The following ZNRF3 variants were observed in gnomAD, a reference collection of about 807,000 sequenced individuals.
ZNRF3 encodes the protein zinc and ring finger 3, also known as E3 ubiquitin-protein ligase ZNRF3.
ZNRF3 carries 23 observed loss-of-function variants against 72.5 expected under a neutral mutation model. That is an observed-to-expected ratio of 0.32 (90% CI 0.23 to 0.45). ZNRF3 has a LOEUF of 0.45. Ranked by LOEUF, ZNRF3 falls within the 20% of genes least tolerant of loss-of-function variation. The pLI is 1.00. For synonymous variants in ZNRF3, 610 were observed against 545.3 expected (o/e 1.12, Z -1.65); for missense variants, 1,169 against 1,272.1 (o/e 0.92, Z 1.23).
intron 1 of ZNRF3, among the ~76,000 whole-genome samples, chr22:28,976,447 A>G (rs1296590854): frequency 6.6e-6 from 1 of 152,190 alleles, no homozygotes; most frequent in Non-Finnish European, 1.5e-5. Context: ...TCCTGGCTGC[A>G]GTGAGCCAAG....
At chr22:29,037,471 C>G (rs1419240450) in intron 2 of ZNRF3, among the ~76,000 whole-genome samples, 1 of 152,194 alleles carries the variant, frequency 6.6e-6, no homozygotes, top group South Asian at 2.1e-4. Flanking sequence ...GGAGCACTTT[C>G]TTTTTACCAG....
Position 29,050,700 on chromosome 22 carries a change from TG to T in ZNRF3, c.2522del (p.Gly841AlafsTer115), listed in dbSNP as rs2037187214. 1 of 1,612,078 alleles carries T rather than the reference TG, an allele frequency of 6.2e-7. No individual in the cohort carries two copies. On this transcript the variant is annotated frameshift_variant, in exon 8 of 9. Coordinates refer to ENST00000544604, the MANE Select transcript of ZNRF3 (RefSeq NM_001206998.2). LOFTEE classifies it high-confidence loss of function. ...ATTCCAGAGGATGTGGACTGTGATC[TG>T]GGCCTGCCCTCGGACTGCCAAGGGA... ...PIIPEDVDCD[L>X]GLPSDCQGTH...
chr22:28,924,103 C>T (rs2034558366), intron 1 of ZNRF3, among the ~76,000 whole-genome samples: 1 of 152,222 alleles, frequency 6.6e-6, no homozygotes, highest in African/African-American at 2.4e-5. Flanking sequence ...CTGATGTAAT[C>T]GTAGCCTGTG....
chr22:29,051,909 C>G (rs989516937), intron 8 of ZNRF3, among the ~76,000 whole-genome samples: 1 of 151,662 alleles, frequency 6.6e-6, no homozygotes, highest in Admixed American at 6.6e-5. Context: ...ACCTAGGCCC[C>G]ATCCCTGTGC....
At chr22:28,995,915 A>G (rs1423854279) in intron 2 of ZNRF3, among the ~76,000 whole-genome samples, 2 of 151,980 alleles carry the variant, frequency 1.3e-5, no homozygotes, top group Non-Finnish European at 2.9e-5. Context: ...AACTGTGACT[A>G]TAGGCACATG....
chr22:29,015,200 A>G (rs1399861808), intron 2 of ZNRF3, among the ~76,000 whole-genome samples: 1 of 152,210 alleles, frequency 6.6e-6, no homozygotes, highest in African/African-American at 2.4e-5. Flanking sequence ...TTGCTTTTAA[A>G]TCCTCTGAAA....
At chr22:28,986,263 C>T (rs543185418) in intron 1 of ZNRF3, among the ~76,000 whole-genome samples, 63 of 152,248 alleles carry the variant, frequency 4.1e-4, no homozygotes, top group African/African-American at 1.3e-3. Flanking sequence ...AATCTAAAGA[C>T]GTATTTCTTC....
chr22:29,037,251 A>G (rs2036883631), intron 2 of ZNRF3, among the ~76,000 whole-genome samples: 1 of 152,176 alleles, frequency 6.6e-6, no homozygotes, highest in Non-Finnish European at 1.5e-5. Context: ...GTCTGGGTAT[A>G]ACTACACACA....
intron 2 of ZNRF3, among the ~76,000 whole-genome samples, chr22:29,022,638 A>G (rs2036560836): frequency 6.6e-6 from 1 of 152,254 alleles, no homozygotes; most frequent in African/African-American, 2.4e-5. Flanking sequence ...TGTCCGTCTT[A>G]CAAGTCTGAG....
At chr22:29,016,939 C>G (rs114567405) in intron 2 of ZNRF3, among the ~76,000 whole-genome samples, 4,390 of 152,322 alleles carry the variant, frequency 0.029, 109 homozygotes, top group African/African-American at 0.068. Context: ...GGAAAGTTGT[C>G]TGCTCCCTAT....
intron 1 of ZNRF3, among the ~76,000 whole-genome samples, chr22:28,965,568 A>T (rs2035444898): frequency 6.6e-6 from 1 of 152,202 alleles, no homozygotes. Context: ...GCTGAAAAGA[A>T]AGTAACATTT....
At chr22:28,937,875 T>C (rs970028499) in intron 1 of ZNRF3, among the ~76,000 whole-genome samples, 11 of 152,246 alleles carry the variant, frequency 7.2e-5, no homozygotes, top group African/African-American at 2.7e-4. Flanking sequence ...AAAACAACCT[T>C]CTTTCTTTTG....
At position 29,046,789 on chromosome 22, in the gene ZNRF3, G is replaced by A; in HGVS notation, c.818G>A (p.Gly273Glu). Reference sequence around the variant, plus strand: ...AGAAAGTTCAACTCCAAGAGCAAGGGGCGCCGGGAGGGGAGCTGTGGGGCC... The same window carrying A: ...AGAAAGTTCAACTCCAAGAGCAAGGAGCGCCGGGAGGGGAGCTGTGGGGCC... ...ETRKFNSKSK[G>E]RREGSCGALD... The change falls in exon 6 of 9, where the codon GGG becomes GAG. Residue 273 changes from glycine to glutamate, a missense_variant. This residue lies in a region of ZNRF3 where 386 missense variants were observed against 540.7 expected (regional missense o/e 0.71). Coordinates refer to ENST00000544604, the MANE Select transcript of ZNRF3 (RefSeq NM_001206998.2). 2 of 1,612,172 alleles carry A rather than the reference G, an allele frequency of 1.2e-6. No individual in the cohort carries two copies.
At chr22:28,914,490 T>C (rs560193048) in intron 1 of ZNRF3, among the ~76,000 whole-genome samples, 2 of 135,696 alleles carry the variant, frequency 1.5e-5, no homozygotes, top group South Asian at 2.5e-4. Flanking sequence ...ACTGTTGACA[T>C]AGAGCTTTTT....
At chr22:29,045,745 G>A (rs1205611302) in intron 5 of ZNRF3, among the ~76,000 whole-genome samples, 1 of 152,198 alleles carries the variant, frequency 6.6e-6, no homozygotes, top group Non-Finnish European at 1.5e-5. Flanking sequence ...CCAAAATGCT[G>A]GGATTACAGG....
rs551928290 is a variant in ZNRF3, at chr22:28,892,327, G to C, written c.300+8261G>C. ...GAACGGTTACCTTACAGTACAGTGG[G>C]GCATGTCCTATCTGGTAGGAAACAG... On this transcript the variant is annotated intron_variant, in intron 1 of 8. Coordinates refer to ENST00000544604, the MANE Select transcript of ZNRF3 (RefSeq NM_001206998.2). Among the ~76,000 whole-genome samples the C allele has an allele frequency of 8.8e-4, 134 of 152,302 alleles. 2 individuals are homozygous for C. In the South Asian group the frequency reaches 0.023, roughly 26 times the overall value.
chr22:29,002,324 C>T (rs972210869), intron 2 of ZNRF3, among the ~76,000 whole-genome samples: 3 of 152,158 alleles, frequency 2.0e-5, no homozygotes, highest in Non-Finnish European at 4.4e-5. Context: ...TGCTGCTGAC[C>T]AGCCTTAGGG....
chr22:29,034,046 C>T (rs1360913670), intron 2 of ZNRF3, among the ~76,000 whole-genome samples: 1 of 152,202 alleles, frequency 6.6e-6, no homozygotes, highest in African/African-American at 2.4e-5. Flanking sequence ...CCCCTTCGGT[C>T]ACACTACTTA....
intron 1 of ZNRF3, among the ~76,000 whole-genome samples, chr22:28,958,160 C>T (rs1200019326): frequency 6.6e-6 from 1 of 152,226 alleles, no homozygotes; most frequent in African/African-American, 2.4e-5. Flanking sequence ...TGCATGCCAG[C>T]CTGGGCAACA....
Sources: allele counts gnomAD v4.1 joint callset (sites outside exome capture counted in the v4.1 genomes callset), GRCh38; gene constraint gnomAD v4.1.1; regional missense constraint gnomAD v4.1.1; transcripts MANE v1.5; gene names NCBI Gene and HGNC (gene_info 2026-07-23, HGNC 2026-07-21).